NEDD4L: variants seen among roughly 807,000 people sequenced by gnomAD.
NEDD4L encodes the protein NEDD4 like E3 ubiquitin protein ligase.
A neutral mutation model predicts 148.9 loss-of-function variants in NEDD4L; 54 were observed. The observed-to-expected ratio is 0.36, with a 90% CI of 0.29 to 0.45. The LOEUF (loss-of-function observed/expected upper bound fraction) is 0.45. Ranked by LOEUF, NEDD4L falls within the 20% of genes least tolerant of loss-of-function variation. The pLI is 1.00. For missense variants in NEDD4L, 856 were observed against 1,233.8 expected, an observed-to-expected ratio of 0.69 and a Z score of 4.59; for synonymous variants, 433 against 440.7, an observed-to-expected ratio of 0.98 and a Z score of 0.22.
intron 13 of NEDD4L, among the ~76,000 whole-genome samples, chr18:58,336,313 C>T (rs532013342): frequency 2.0e-5 from 3 of 152,300 alleles, no homozygotes; most frequent in African/African-American, 2.4e-5. Flanking sequence ...CACGGTGGCT[C>T]ACGCCTGTAA....
intron 5 of NEDD4L, among the ~76,000 whole-genome samples, chr18:58,312,995 C>T (rs565776763): frequency 7.2e-5 from 11 of 152,164 alleles, no homozygotes; most frequent in East Asian, 5.8e-4. Context: ...TGTTTTTAAT[C>T]GGTGTAGTGT....
At chr18:58,077,350 A>G (rs2083225464) in intron 1 of NEDD4L, among the ~76,000 whole-genome samples, 1 of 151,620 alleles carries the variant, frequency 6.6e-6, no homozygotes, top group Admixed American at 6.6e-5. Flanking sequence ...TATTTTTTAT[A>G]GAGATAGGCT....
chr18:58,124,693 C>A (rs1180803883), intron 1 of NEDD4L, among the ~76,000 whole-genome samples: 1 of 152,174 alleles, frequency 6.6e-6, no homozygotes, highest in African/African-American at 2.4e-5. Context: ...ACATCCTGCC[C>A]ACTGTCACTA....
chr18:58,145,473 CT>C lies in NEDD4L; in HGVS notation c.49-20311del, dbSNP rs1389994947. 2.6e-5 allele frequency among the ~76,000 whole-genome samples: 4 copies of C among 152,256 alleles called. No homozygotes were observed. The East Asian group carries it at 7.7e-4, about 29-fold the overall frequency. ...ATTCTGGAGTAGGCAACGTTTTCCT[CT>C]TTTGTAAAATACACCAAATTGTGAG... On this transcript the variant is annotated intron_variant, in intron 1 of 30. Coordinates refer to ENST00000400345, the MANE Select transcript of NEDD4L (RefSeq NM_001144967.3).
At chr18:58,080,078 C>A (rs914463158) in intron 1 of NEDD4L, among the ~76,000 whole-genome samples, 2 of 152,154 alleles carry the variant, frequency 1.3e-5, no homozygotes, top group Non-Finnish European at 2.9e-5. Flanking sequence ...ATGCGTAACA[C>A]CGTGCCTTGC....
intron 1 of NEDD4L, among the ~76,000 whole-genome samples, chr18:58,089,841 CTTTT>C (rs759472299): frequency 1.5e-5 from 2 of 137,912 alleles, no homozygotes; most frequent in Non-Finnish European, 1.6e-5. Context: ...CTTCCTTTTC[CTTTT>C]TTTTTTTTTT....
intron 16 of NEDD4L, among the ~76,000 whole-genome samples, chr18:58,345,182 C>T (rs1040036537): frequency 2.6e-5 from 4 of 152,192 alleles, no homozygotes; most frequent in Admixed American, 1.3e-4. Flanking sequence ...GGGAAATCCT[C>T]AAGGTAACAA....
intron 2 of NEDD4L, among the ~76,000 whole-genome samples, chr18:58,190,929 A>G (rs1402632459): frequency 1.3e-5 from 2 of 152,190 alleles, no homozygotes; most frequent in African/African-American, 4.8e-5. Flanking sequence ...CGAGTGACGT[A>G]GTGAGACCCC....
chr18:58,063,406 A>G (rs2082429396), intron 1 of NEDD4L, among the ~76,000 whole-genome samples: 1 of 152,080 alleles, frequency 6.6e-6, no homozygotes, highest in African/African-American at 2.4e-5. Flanking sequence ...AATATTGAAG[A>G]GTAAACATAA....
At chr18:58,103,120 C>T (rs2084864698) in intron 1 of NEDD4L, among the ~76,000 whole-genome samples, 1 of 151,618 alleles carries the variant, frequency 6.6e-6, no homozygotes, top group African/African-American at 2.4e-5. Context: ...AGGAGACTGA[C>T]CTTTGTCTAT....
chr18:58,329,031 G>T lies in NEDD4L; in HGVS notation c.717G>T (p.Gln239His), dbSNP rs778348493. The T allele has an allele frequency of 6.2e-7, 1 of 1,614,020 alleles. No individual in the cohort carries two copies. The highest frequency in any genetic ancestry group is 8.5e-7 in the Non-Finnish European group (1 of 1,179,892). ...CGGAGTCGGACAATAACATCAGACA[G>T]ATCAACCAGGAGGCAGCACACCGGC... ...VSSESDNNIR[Q>H]INQEAAHRRF... Residue 239 changes from glutamine to histidine, a missense_variant, in exon 10 of 31, where the codon CAG becomes CAT. Coordinates refer to ENST00000400345, the MANE Select transcript of NEDD4L (RefSeq NM_001144967.3).
intron 2 of NEDD4L, among the ~76,000 whole-genome samples, chr18:58,208,280 C>T (rs2042170161): frequency 6.6e-6 from 1 of 152,020 alleles, no homozygotes; most frequent in African/African-American, 2.4e-5. Flanking sequence ...TGGTAGCAAC[C>T]CAAATAGAAG....
intron 16 of NEDD4L, among the ~76,000 whole-genome samples, chr18:58,344,121 A>G (rs375443575): frequency 2.4e-4 from 36 of 152,320 alleles, no homozygotes; most frequent in African/African-American, 8.2e-4. Context: ...TGGACCAACA[A>G]TAAACATACA....
chr18:58,281,981 C>T (rs1309923686), intron 5 of NEDD4L, among the ~76,000 whole-genome samples: 258 of 150,854 alleles, frequency 1.7e-3, no homozygotes, highest in African/African-American at 6.0e-3. Flanking sequence ...GCCGAGATCG[C>T]GCCACTGCAC....
At chr18:58,101,399 A>G (rs914758972) in intron 1 of NEDD4L, among the ~76,000 whole-genome samples, 2 of 152,202 alleles carry the variant, frequency 1.3e-5, no homozygotes, top group Non-Finnish European at 2.9e-5. Context: ...GGCTTTTGCA[A>G]TCTGCGCCTT....
chr18:58,351,638 T>C, intron 18 of NEDD4L, among the ~76,000 whole-genome samples: 1 of 152,254 alleles, frequency 6.6e-6, no homozygotes, highest in African/African-American at 2.4e-5. Context: ...TAATAAAAGT[T>C]TGCTTTTTAG....
chr18:58,158,567 C>A (rs1363124269), intron 1 of NEDD4L, among the ~76,000 whole-genome samples: 1 of 152,138 alleles, frequency 6.6e-6, no homozygotes, highest in African/African-American at 2.4e-5. Context: ...AGCCATTACC[C>A]AGTAGAAGTT....
chr18:58,188,059 A>C (rs1463315872), intron 2 of NEDD4L, among the ~76,000 whole-genome samples: 1 of 152,234 alleles, frequency 6.6e-6, no homozygotes, highest in Non-Finnish European at 1.5e-5. Context: ...GAACAAAAGC[A>C]GGACAGTGTT....
At chr18:58,191,868 G>C (rs1454723910) in intron 2 of NEDD4L, among the ~76,000 whole-genome samples, 1 of 152,294 alleles carries the variant, frequency 6.6e-6, no homozygotes, top group South Asian at 2.1e-4. Context: ...TTGCTGACAA[G>C]GTACATGGTA....
Sources: gnomAD v4.1 joint callset for allele counts (sites outside exome capture counted in the v4.1 genomes callset) on GRCh38, gnomAD v4.1.1 for gene constraint, MANE v1.5 for transcripts, NCBI Gene and HGNC (gene_info 2026-07-23, HGNC 2026-07-21) for gene names.